The following MACROD2 variants were observed in gnomAD, a reference collection of about 807,000 sequenced individuals.
The protein encoded by MACROD2 is mono-ADP ribosylhydrolase 2, also known as ADP-ribose glycohydrolase MACROD2.
In MACROD2, 36 loss-of-function variants were observed where a neutral mutation model predicts 70.4. That is an observed-to-expected ratio of 0.51 (90% CI 0.39 to 0.68). The LOEUF (loss-of-function observed/expected upper bound fraction) is 0.68, where lower values mean the gene tolerates loss of function less well. Ranked by LOEUF, MACROD2 falls within the 30% of genes least tolerant of loss-of-function variation. The probability of loss-of-function intolerance (pLI) is 0.00; values close to 1 mark genes in which losing one functional copy is unlikely to be tolerated. For missense variants in MACROD2, 496 were observed against 538.4 expected, an observed-to-expected ratio of 0.92 and a Z score of 0.78; for synonymous variants, 172 against 178.8, an observed-to-expected ratio of 0.96 and a Z score of 0.30.
At chr20:15,255,084 ATGT>A (rs1299665722) in intron 6 of MACROD2, among the ~76,000 whole-genome samples, 7 of 151,952 alleles carry the variant, frequency 4.6e-5, no homozygotes, top group African/African-American at 1.2e-4. Flanking sequence ...AACTTTAAAA[ATGT>A]TGTTTAATTT....
chr20:15,770,305 T>C lies in MACROD2; in HGVS notation c.646-92440T>C, dbSNP rs561067410. Among the ~76,000 whole-genome samples, 5 of 152,110 alleles carry C rather than the reference T, an allele frequency of 3.3e-5. No individual in the cohort carries two copies. In the East Asian group the frequency reaches 9.7e-4, roughly 29 times the overall value. ...AAGAAAGAGATGTTTCCTCTATCAGTGGTCATTTATAGCCTTTCTAAGTCT... is the reference window on the plus strand; with the variant it reads ...AAGAAAGAGATGTTTCCTCTATCAGCGGTCATTTATAGCCTTTCTAAGTCT... On this transcript the variant is annotated intron_variant, in intron 8 of 17. Coordinates refer to ENST00000684519, the MANE Select transcript of MACROD2 (RefSeq NM_001351661.2).
At chr20:15,771,805 C>T (rs2051632093) in intron 8 of MACROD2, among the ~76,000 whole-genome samples, 1 of 151,722 alleles carries the variant, frequency 6.6e-6, no homozygotes, top group Non-Finnish European at 1.5e-5. Flanking sequence ...TCTTTCTGGG[C>T]CAGGCACGGT....
At chr20:14,609,836 A>G (rs1983045873) in intron 4 of MACROD2, among the ~76,000 whole-genome samples, 1 of 152,136 alleles carries the variant, frequency 6.6e-6, no homozygotes, top group Non-Finnish European at 1.5e-5. Context: ...GACAGAATGA[A>G]GCTCCATTTT....
At chr20:15,659,304 C>CTTTT (rs11468344) in intron 8 of MACROD2, among the ~76,000 whole-genome samples, 8 of 67,266 alleles carry the variant, frequency 1.2e-4, no homozygotes, top group Non-Finnish European at 1.5e-4. Flanking sequence ...GATAGCACAG[C>CTTTT]TTTTTTTTTT....
chr20:16,020,357 G>A lies in MACROD2; in HGVS notation c.1154-20844G>A, dbSNP rs370185954. ...CCCATTCATCCTTCAGGGCTCAGCC[G>A]GATGTAACTTTGTCTGGAAATATCT... On this transcript the variant is annotated intron_variant, in intron 15 of 17. Transcript: ENST00000684519. Among the ~76,000 whole-genome samples, 15 of 151,936 alleles carry A rather than the reference G, an allele frequency of 9.9e-5. No individual in the cohort carries two copies. In the East Asian group the frequency reaches 1.7e-3, roughly 18 times the overall value.
rs114845492 is a variant in MACROD2 at position 14,777,455 on chromosome 20, A to T, written c.418+92496A>T. On this transcript the variant is annotated intron_variant, in intron 5 of 17. Transcript: ENST00000684519. ...GTGTTAGAGGCTGGAAAGCTATCAG[A>T]ACCATGTACCTCTGCTGCTGTTTTA... Among the ~76,000 whole-genome samples the T allele has an allele frequency of 9.6e-3, 1,457 of 152,102 alleles. 23 individuals are homozygous for T. Among genetic ancestry groups the T allele is most frequent in the African/African-American group, 0.033 (1,348 of 41,446 alleles).
intron 8 of MACROD2, among the ~76,000 whole-genome samples, chr20:15,749,940 T>TG (rs1392234538): frequency 6.6e-6 from 1 of 152,092 alleles, no homozygotes; most frequent in Non-Finnish European, 1.5e-5. Context: ...GACATTGGCC[T>TG]GGGCAAGGAC....
chr20:15,264,097 C>T (rs975196302), intron 6 of MACROD2, among the ~76,000 whole-genome samples: 20 of 152,102 alleles, frequency 1.3e-4, no homozygotes, highest in Non-Finnish European at 2.8e-4. Flanking sequence ...TCATCCTTTG[C>T]ACAATAAAAT....
intron 3 of MACROD2, among the ~76,000 whole-genome samples, chr20:14,433,399 C>G (rs2084018079): frequency 6.6e-6 from 1 of 152,068 alleles, no homozygotes; most frequent in Non-Finnish European, 1.5e-5. Flanking sequence ...TGCTTGACAA[C>G]TATTTAATTT....
At chr20:15,953,309 A>G (rs544294898) in intron 12 of MACROD2, among the ~76,000 whole-genome samples, 75 of 152,280 alleles carry the variant, frequency 4.9e-4, no homozygotes, top group Non-Finnish European at 7.1e-4. Flanking sequence ...GCATTATAGG[A>G]TGAATATAGT....
chr20:15,234,685 C>T (rs994356264), intron 6 of MACROD2, among the ~76,000 whole-genome samples: 1 of 151,730 alleles, frequency 6.6e-6, no homozygotes, highest in Non-Finnish European at 1.5e-5. Context: ...ATATCCTTGG[C>T]TATATATATC....
intron 3 of MACROD2, among the ~76,000 whole-genome samples, chr20:14,477,600 C>T (rs989114285): frequency 6.6e-6 from 1 of 151,972 alleles, no homozygotes; most frequent in Non-Finnish European, 1.5e-5. Flanking sequence ...AAATTGTTTT[C>T]AGAATGATTT....
At position 15,987,153 on chromosome 20, in the gene MACROD2, A is replaced by G. The variant is rs1297316998; in HGVS notation, c.1148A>G (p.Glu383Gly). 6.2e-7 allele frequency: 1 copy of G among 1,607,904 alleles called. No individual in the cohort carries two copies. Among genetic ancestry groups the G allele is most frequent in the South Asian group, 1.1e-5 (1 of 89,950 alleles). ...GAGGACCAAGAAGAAAAAGAAGGTGAAAAAGGTAGGACTGCTCTTAAATTA... is the reference window on the plus strand; with the variant it reads ...GAGGACCAAGAAGAAAAAGAAGGTGGAAAAGGTAGGACTGCTCTTAAATTA... ...LTEDQEEKEG[E>G]KAPGEDTPRM... Residue 383 changes from glutamate (E) to glycine (G), a missense_variant, in exon 15 of 18, where the codon GAA (glutamate) becomes GGA (glycine). By Grantham distance (98) the Glu-to-Gly change is moderately conservative. Coordinates refer to ENST00000684519, the MANE Select transcript of MACROD2 (RefSeq NM_001351661.2).
At chr20:14,845,921 A>G (rs2073135387) in intron 5 of MACROD2, among the ~76,000 whole-genome samples, 2 of 152,110 alleles carry the variant, frequency 1.3e-5, no homozygotes, top group Non-Finnish European at 2.9e-5. Flanking sequence ...CATGTAATTG[A>G]CCAAGAACCT....
At chr20:14,798,508 G>C (rs1568802004) in intron 5 of MACROD2, among the ~76,000 whole-genome samples, 1 of 152,030 alleles carries the variant, frequency 6.6e-6, no homozygotes, top group Non-Finnish European at 1.5e-5. Flanking sequence ...ATTGATCAGA[G>C]AGAGACTTTT....
In MACROD2 at chr20:14,326,978, T is replaced by C. The variant is rs1568558920; in HGVS notation, c.272-166501T>C. ...TTATCATCCAAGCGTAGTTCTTCTA[T>C]AGTCCTGGGCAAACCCCAGGGAATT... On this transcript the variant is annotated intron_variant, in intron 3 of 17. Coordinates refer to ENST00000684519, the MANE Select transcript of MACROD2 (RefSeq NM_001351661.2). The surrounding 1 kb of genome is among the most constrained non-coding windows in gnomAD (Gnocchi z 5.5). 4 of 1,613,648 alleles carry C rather than the reference T, an allele frequency of 2.5e-6. No individual in the cohort carries two copies. Among genetic ancestry groups the C allele is most frequent in the South Asian group, 1.1e-5 (1 of 91,084 alleles).
chr20:15,337,823 T>C (rs1224044443), intron 6 of MACROD2, among the ~76,000 whole-genome samples: 2 of 151,748 alleles, frequency 1.3e-5, no homozygotes, highest in African/African-American at 2.4e-5. Flanking sequence ...ATTTTGATCT[T>C]TTTTCATGAT....
chr20:15,813,110 T>C (rs1348287922), intron 8 of MACROD2, among the ~76,000 whole-genome samples: 1 of 152,172 alleles, frequency 6.6e-6, no homozygotes, highest in Non-Finnish European at 1.5e-5. Flanking sequence ...GTAGAACATA[T>C]TCCTTTAATC....
chr20:14,890,732 A>G (rs535077452), intron 5 of MACROD2, among the ~76,000 whole-genome samples: 1 of 151,130 alleles, frequency 6.6e-6, no homozygotes, highest in African/African-American at 2.4e-5. Context: ...ACTCCAGGCT[A>G]CAAAATAAGG....
Sources: allele counts gnomAD v4.1 joint callset (sites outside exome capture counted in the v4.1 genomes callset), GRCh38; gene constraint gnomAD v4.1.1; non-coding constraint Gnocchi (gnomAD v3.1); transcripts MANE v1.5; gene names NCBI Gene and HGNC (gene_info 2026-07-23, HGNC 2026-07-21).